The following ERCC5 variants were observed in gnomAD, a reference collection of about 807,000 sequenced individuals.
The protein encoded by ERCC5 is ERCC excision repair 5, endonuclease, also known as DNA excision repair protein ERCC-5.
ERCC5 carries 68 observed loss-of-function variants against 105.6 expected under a neutral mutation model. That is an observed-to-expected ratio of 0.64 (90% CI 0.53 to 0.79). The LOEUF (loss-of-function observed/expected upper bound fraction) is 0.79, where lower values mean the gene tolerates loss of function less well. ERCC5 is among the 30% of genes least tolerant of loss of function. The pLI is 0.00. For synonymous variants in ERCC5, 546 were observed against 526.2 expected (o/e 1.04, Z -0.51); for missense variants, 1,373 against 1,426.7 (o/e 0.96, Z 0.61).
intron 6 of ERCC5, 95 bp from the exon 7 acceptor site, chr13:102,861,412 G>A: frequency 1.4e-6 from 2 of 1,383,074 alleles, no homozygotes; most frequent in Non-Finnish European, 1.0e-6. Context: ...AAAGCCAATT[G>A]TTCTTTGTTC....
In ERCC5 at chr13:102,875,964, A is replaced by T. The variant is rs1883211584; in HGVS notation, c.*61A>T. 1.3e-6 allele frequency: 2 copies of T among 1,581,878 alleles called. No individual in the cohort carries two copies. The highest frequency in any genetic ancestry group is 1.4e-5 in the African/African-American group (1 of 73,788). On this transcript the variant is annotated 3_prime_UTR_variant, in exon 15 of 15. Coordinates refer to ENST00000652225, the MANE Select transcript of ERCC5 (RefSeq NM_000123.4). ...AGCCATTTGTAATGAATTTGTCGCA[A>T]AGACGTAATAAAATTAACTGGTGGC...
intron 1 of ERCC5, among the ~76,000 whole-genome samples, chr13:102,846,773 A>G (rs1881984346): frequency 1.3e-5 from 2 of 152,082 alleles, no homozygotes; most frequent in Non-Finnish European, 2.9e-5. Context: ...CATCGCAAAT[A>G]TTTTTGATCC....
rs777745100 is a variant in ERCC5, at chr13:102,856,037, A to G, written c.468-15A>G. ...TAAAAATCATAGATATCGTAAAAGT[A>G]TGTTTGACTTTCAGTTCAGAAGAGG... is the stretch of plus-strand genomic sequence containing the variant. On this transcript the variant is annotated splice_polypyrimidine_tract_variant and intron_variant, in intron 4 of 14. Coordinates refer to ENST00000652225, the MANE Select transcript of ERCC5 (RefSeq NM_000123.4). 2 of 1,613,518 alleles carry G rather than the reference A, an allele frequency of 1.2e-6. No homozygotes were observed. Among genetic ancestry groups the G allele is most frequent in the Non-Finnish European group, 1.7e-6 (2 of 1,179,532 alleles).
rs896119950 is a variant in ERCC5, at chr13:102,862,308, A to T, written c.1159A>T (p.Thr387Ser). Residue 387 changes from threonine to serine, a missense_variant, in exon 8 of 15, where the codon ACT (threonine) becomes TCT (serine). By Grantham distance (58) the Thr-to-Ser change is moderately conservative. Transcript: ENST00000652225. ...AVDEGSISPR[T>S]LSAIKRALDD... ...AGACGAAGGCTCCATATCACCCCGG[A>T]CTCTTTCAGCCATTAAGAGAGCTCT... 1.9e-6 allele frequency: 3 copies of T among 1,613,746 alleles called. No homozygotes were observed. The highest frequency in any genetic ancestry group is 2.5e-6 in the Non-Finnish European group (3 of 1,179,998).
At chr13:102,868,024 T>G (rs992950079) in intron 11 of ERCC5, 89 bp from the exon 12 acceptor site, 10 of 1,270,250 alleles carry the variant, frequency 7.9e-6, no homozygotes, top group Non-Finnish European at 1.1e-5. Flanking sequence ...GATATAGATA[T>G]ACACACGTAC....
chr13:102,875,913 A>G lies in ERCC5; in HGVS notation c.*10A>G. 2 of 1,602,006 alleles carry G rather than the reference A, an allele frequency of 1.2e-6. No homozygotes were observed. The highest frequency in any genetic ancestry group is 2.2e-5 in the East Asian group (1 of 44,808). ...AAAAAGGAAAACCTAATTAAAAAAT[A>G]TGTATCCTCTATAATTAGTTATGAC... On this transcript the variant is annotated 3_prime_UTR_variant, in exon 15 of 15. Coordinates refer to ENST00000652225, the MANE Select transcript of ERCC5 (RefSeq NM_000123.4).
chr13:102,848,540 T>C (rs1197564006), intron 1 of ERCC5, among the ~76,000 whole-genome samples: 2 of 152,222 alleles, frequency 1.3e-5, no homozygotes, highest in East Asian at 3.8e-4. Context: ...TTAGGCTATG[T>C]ATACTAATGG....
chr13:102,855,359 C>T (rs927373853), intron 4 of ERCC5, among the ~76,000 whole-genome samples: 3 of 152,088 alleles, frequency 2.0e-5, no homozygotes, highest in Non-Finnish European at 4.4e-5. Context: ...AAGCGATTCT[C>T]CTGCCTCAGC....
rs1303217761 is a variant in ERCC5, at chr13:102,869,147, A to G, written c.2678+890A>G. ...CTAGGATGCTCTGACCTGAAGAGTC[A>G]GTGACTGGAATCACTGAAATGAACG... On this transcript the variant is annotated intron_variant, in intron 12 of 14. Transcript: ENST00000652225. Among the ~76,000 whole-genome samples the G allele has an allele frequency of 2.0e-5, 3 of 152,310 alleles. No individual in the cohort carries two copies. In the East Asian group the frequency reaches 5.8e-4, roughly 29 times the overall value.
chr13:102,864,126 C>CCACAGACACACACACA (rs1032920813), intron 8 of ERCC5, among the ~76,000 whole-genome samples: 4 of 140,918 alleles, frequency 2.8e-5, no homozygotes, highest in African/African-American at 1.1e-4. Flanking sequence ...AGAGAATCAA[C>CCACAGACACACACACA]CACACACACA....
Position 102,846,037 on chromosome 13 carries a change from G to C in ERCC5, c.-230G>C. Reference sequence around the variant, plus strand: ...CATTCTCTGGACCTGTCTTTCTTCCGGGAGGCGGTGACAGCTGCTGAGACG... The same window carrying C: ...CATTCTCTGGACCTGTCTTTCTTCCCGGAGGCGGTGACAGCTGCTGAGACG... On this transcript the variant is annotated 5_prime_UTR_variant, in exon 1 of 15. Coordinates refer to ENST00000652225, the MANE Select transcript of ERCC5 (RefSeq NM_000123.4). The C allele has an allele frequency of 1.8e-6, 1 of 563,176 alleles. No homozygotes were observed. The highest frequency in any genetic ancestry group is 3.2e-6 in the Non-Finnish European group (1 of 315,718). 34.9% of individuals were successfully genotyped at this position (563,176 alleles called of 1,614,324 possible).
intron 8 of ERCC5, chr13:102,864,780 A>G (rs4150330): frequency 0.43 from 64,684 of 151,972 alleles, 15,551 homozygotes; most frequent in Non-Finnish European, 0.55. Flanking sequence ...AGGCCTTTTC[A>G]GCAACAGTGC....
rs1248388142 is a variant in ERCC5 at position 102,873,306 on chromosome 13, C to G, written c.2927C>G (p.Ser976Cys). The change falls in exon 14 of 15, where the codon TCT (serine) becomes TGT (cysteine). Residue 976 changes from serine (S) to cysteine (C), a missense_variant. This residue lies in a region of ERCC5 where 367 missense variants were observed against 350.2 expected (regional missense o/e 1.05). Coordinates refer to ENST00000652225, the MANE Select transcript of ERCC5 (RefSeq NM_000123.4). Reference protein sequence around the residue: ...FGWNRTKTDESLFPVLKQLDA... With the variant: ...FGWNRTKTDECLFPVLKQLDA... ...TGGAACAGAACGAAGACAGATGAAT[C>G]TCTGTTTCCTGTATTAAAGCAACTC... is the stretch of plus-strand genomic sequence containing the variant. 1 of 1,614,100 alleles carries G rather than the reference C, an allele frequency of 6.2e-7. No homozygotes were observed. Among genetic ancestry groups the G allele is most frequent in the Non-Finnish European group, 8.5e-7 (1 of 1,179,996 alleles).
chr13:102,858,872 A>C, intron 6 of ERCC5: 1 of 456,080 alleles, frequency 2.2e-6, no homozygotes, highest in Non-Finnish European at 4.4e-6. Flanking sequence ...TATAGAATCT[A>C]ATCACAATGG....
chr13:102,865,411 T>C lies in ERCC5; in HGVS notation c.1955-256T>C. ...AGAACATATTTATATAAAGCGAATATACAAATCTTAAGAGAGTTTCCTACT... is the reference window on the plus strand; with the variant it reads ...AGAACATATTTATATAAAGCGAATACACAAATCTTAAGAGAGTTTCCTACT... On this transcript the variant is annotated intron_variant, in intron 8 of 14. Coordinates refer to ENST00000652225, the MANE Select transcript of ERCC5 (RefSeq NM_000123.4). The surrounding 1 kb of genome is among the most constrained non-coding windows in gnomAD (Gnocchi z 4.0). 2.2e-6 allele frequency: 1 copy of C among 446,094 alleles called. No homozygotes were observed. The highest frequency in any genetic ancestry group is 4.1e-6 in the Non-Finnish European group (1 of 242,928). The allele number at this position is 446,094 out of a possible 1,614,324, so 27.6% of individuals were successfully genotyped here. A position where few individuals can be genotyped will look rare whatever the true frequency, so the allele number is the denominator to read the frequency against.
In ERCC5 at chr13:102,862,024, CT is replaced by C; in HGVS notation, c.881-4del. On this transcript the variant is annotated splice_region_variant and splice_polypyrimidine_tract_variant and intron_variant, in intron 7 of 14. Transcript: ENST00000652225. The stretch of plus-strand genomic sequence containing the variant: ...AATGGTGAGAAGTGTTTTAATTCTT[CT>C]TAAGGTATTCAAGCTAAGACAGTTG... The C allele has an allele frequency of 6.2e-7, 1 of 1,614,128 alleles. No individual in the cohort carries two copies. The highest frequency in any genetic ancestry group is 8.5e-7 in the Non-Finnish European group (1 of 1,180,008).
rs570925547 is a variant in ERCC5 at position 102,861,045 on chromosome 13, A to G, written c.673-462A>G. 1.2e-3 allele frequency among the ~76,000 whole-genome samples: 176 copies of G among 146,270 alleles called. 1 individual carries two copies. Among genetic ancestry groups the G allele is most frequent in the African/African-American group, 4.1e-3 (163 of 39,282 alleles). ...CTCTTGTCCCTCAGGCTGGAGTGCA[A>G]TGGCACAATCTCGGCTCACTGCAAC... On this transcript the variant is annotated intron_variant, in intron 6 of 14. Transcript: ENST00000652225.
Position 102,865,451 on chromosome 13 carries a change from C to A in ERCC5, c.1955-216C>A. ...AGTTTCCTACTTTCAAAGACAGTGC[C>A]AGTTTACCTAATTGAAAAGGCTTGT... On this transcript the variant is annotated intron_variant, in intron 8 of 14. Transcript: ENST00000652225. This position sits in a 1 kb window ranked among gnomAD's most constrained non-coding sequence, Gnocchi z 4.0. The A allele has an allele frequency of 1.8e-6, 1 of 555,142 alleles. No homozygotes were observed. Among genetic ancestry groups the A allele is most frequent in the Non-Finnish European group, 3.1e-6 (1 of 321,136 alleles). 34.4% of individuals were successfully genotyped at this position (555,142 alleles called of 1,614,324 possible).
In ERCC5 at chr13:102,868,083, T is replaced by C. The variant is rs200098671; in HGVS notation, c.2534-30T>C. On this transcript the variant is annotated intron_variant, in intron 11 of 14. Transcript: ENST00000652225. ...ATAAATGTCATATAAGAAATCTTGA[T>C]AAAAATTAAAAAATATTGTTACTCT... The C allele has an allele frequency of 1.5e-4, 237 of 1,602,584 alleles. 2 individuals carry two copies. In the South Asian group the frequency reaches 2.5e-3, roughly 17 times the overall value.
Sources: gnomAD v4.1 joint callset for allele counts (sites outside exome capture counted in the v4.1 genomes callset) on GRCh38, gnomAD v4.1.1 for gene constraint, gnomAD v4.1.1 regional missense constraint, Gnocchi (gnomAD v3.1) non-coding constraint, MANE v1.5 for transcripts, NCBI Gene and HGNC (gene_info 2026-07-23, HGNC 2026-07-21) for gene names.